TUSC3: variants seen among roughly 807,000 people sequenced by gnomAD.
The protein encoded by TUSC3 is tumor suppressor candidate 3, also known as dolichyl-diphosphooligosaccharide--protein glycosyltransferase subunit TUSC3.
Under a neutral mutation model 44.8 loss-of-function variants are expected in TUSC3, and 45 were observed. That is an observed-to-expected ratio of 1.00 (90% CI 0.79 to 1.29). The LOEUF is 1.29. Ranked by LOEUF, TUSC3 falls within the 50% of genes most tolerant of loss-of-function variation. The pLI is 0.00. For synonymous variants in TUSC3, 212 were observed against 152.9 expected, an observed-to-expected ratio of 1.39 and a Z score of -2.85; for missense variants, 519 against 437.9, an observed-to-expected ratio of 1.19 and a Z score of -1.65.
intron 1 of TUSC3, among the ~76,000 whole-genome samples, chr8:15,620,983 G>C (rs554017515): frequency 6.4e-5 from 9 of 141,416 alleles, no homozygotes; most frequent in Admixed American, 3.5e-4. Context: ...ATTGTGTGTG[G>C]TGTGTGTCTG....
intron 1 of TUSC3, among the ~76,000 whole-genome samples, chr8:15,583,617 G>C (rs1278556228): frequency 6.6e-6 from 1 of 152,148 alleles, no homozygotes; most frequent in Non-Finnish European, 1.5e-5. Flanking sequence ...AAATATCATT[G>C]TTTTGAAGTG....
In TUSC3 at chr8:15,766,138, A is replaced by AT. The variant is rs1275821208; in HGVS notation, c.*1983dup. Reference sequence around the variant, plus strand: ...ATTTCCTCTGAGCATTTAAAATTACATCCAGTGATAAAAACAATATTTTTT... The same window carrying AT: ...ATTTCCTCTGAGCATTTAAAATTACATTCCAGTGATAAAAACAATATTTTTT... On this transcript the variant is annotated 3_prime_UTR_variant, in exon 11 of 11. Transcript: ENST00000503731. 1 of 152,096 alleles carries AT rather than the reference A, an allele frequency of 6.6e-6. No homozygotes were observed. The highest frequency in any genetic ancestry group is 1.5e-5 in the Non-Finnish European group (1 of 67,982). The allele number at this position is 152,096 out of a possible 1,614,324, so 9.4% of individuals were successfully genotyped here. A position where few individuals can be genotyped will look rare whatever the true frequency, so the allele number is the denominator to read the frequency against.
At chr8:15,582,884 A>G (rs1021186950) in intron 1 of TUSC3, among the ~76,000 whole-genome samples, 3 of 152,244 alleles carry the variant, frequency 2.0e-5, no homozygotes, top group South Asian at 2.1e-4. Flanking sequence ...TAGAAGACCT[A>G]CAACCTTCTC....
At chr8:15,440,515 A>G (rs1022911368) in intron 1 of TUSC3, among the ~76,000 whole-genome samples, 1 of 152,236 alleles carries the variant, frequency 6.6e-6, no homozygotes, top group African/African-American at 2.4e-5. Flanking sequence ...TGCCGTGTGA[A>G]GGATGAGTTG....
At chr8:15,820,551 C>G in the TUSC3 span, among the ~76,000 whole-genome samples, 24 of 152,196 alleles carry the variant, frequency 1.6e-4, no homozygotes, top group Admixed American at 1.2e-3. Flanking sequence ...ATCTCTTGAC[C>G]TCATGATCGG....
At chr8:15,579,046 A>G (rs1803221337) in intron 1 of TUSC3, among the ~76,000 whole-genome samples, 1 of 151,784 alleles carries the variant, frequency 6.6e-6, no homozygotes, top group Non-Finnish European at 1.5e-5. Context: ...TAGTCTTGGG[A>G]GAGTGTATGT....
chr8:15,473,210 T>C (rs1800519908), intron 1 of TUSC3, among the ~76,000 whole-genome samples: 1 of 152,200 alleles, frequency 6.6e-6, no homozygotes, highest in African/African-American at 2.4e-5. Context: ...ATATTATATT[T>C]GGAAGATGTG....
chr8:15,474,604 A>G (rs1391075764), intron 1 of TUSC3, among the ~76,000 whole-genome samples: 1 of 152,204 alleles, frequency 6.6e-6, no homozygotes, highest in Non-Finnish European at 1.5e-5. Context: ...TGGAATTTAC[A>G]TTATTGAGAA....
intron 6 of TUSC3, among the ~76,000 whole-genome samples, chr8:15,686,948 G>T (rs920727861): frequency 1.3e-5 from 2 of 151,992 alleles, no homozygotes; most frequent in African/African-American, 4.8e-5. Flanking sequence ...GGCGCCTGTA[G>T]TCCGGTCCCA....
chr8:15,588,994 T>C (rs1259688935), intron 1 of TUSC3, among the ~76,000 whole-genome samples: 1 of 152,148 alleles, frequency 6.6e-6, no homozygotes, highest in Non-Finnish European at 1.5e-5. Flanking sequence ...AATGTGATGC[T>C]TCCAGCTTTG....
At chr8:15,592,173 A>G (rs1322451172) in intron 1 of TUSC3, among the ~76,000 whole-genome samples, 1 of 152,218 alleles carries the variant, frequency 6.6e-6, no homozygotes, top group East Asian at 1.9e-4. Flanking sequence ...ACTTAGTAAA[A>G]TGCGAAAAAG....
chr8:15,566,589 C>T (rs956431016), intron 1 of TUSC3, among the ~76,000 whole-genome samples: 22 of 145,920 alleles, frequency 1.5e-4, no homozygotes, highest in East Asian at 1.5e-3. Context: ...TATCCGACTT[C>T]ACAGAAGACA....
chr8:15,723,446 C>G (rs531158276), intron 6 of TUSC3, among the ~76,000 whole-genome samples: 10 of 152,290 alleles, frequency 6.6e-5, no homozygotes, highest in Admixed American at 2.0e-4. Flanking sequence ...TTAGGAATTT[C>G]AAGCACAAGA....
chr8:15,766,769 A>T (rs904847895), downstream of TUSC3: 1 of 152,098 alleles, frequency 6.6e-6, no homozygotes, highest in Non-Finnish European at 1.5e-5. Flanking sequence ...GAGCGTGGCA[A>T]GTATTCCCTT....
Position 15,659,618 on chromosome 8 carries a change from A to G in TUSC3, c.538A>G (p.Lys180Glu), listed in dbSNP as rs1188736712. The change falls in exon 4 of 11, where the codon AAG (lysine) becomes GAG (glutamate). Residue 180 changes from lysine to glutamate, a missense_variant. Lys to Glu is a moderately conservative substitution (Grantham distance 56). Transcript: ENST00000503731. ...RIGFAAEQLA[K>E]WIADRTDVHI... ...TGGATTTGCAGCTGAGCAACTAGCAAAGTGGATTGCTGACAGAACGGATGT... is the reference window on the plus strand; with the variant it reads ...TGGATTTGCAGCTGAGCAACTAGCAGAGTGGATTGCTGACAGAACGGATGT... The G allele has an allele frequency of 6.2e-7, 1 of 1,613,348 alleles. No homozygotes were observed. The highest frequency in any genetic ancestry group is 8.5e-7 in the Non-Finnish European group (1 of 1,179,648).
At chr8:15,810,894 T>A in the TUSC3 span, among the ~76,000 whole-genome samples, 5 of 152,220 alleles carry the variant, frequency 3.3e-5, no homozygotes, top group African/African-American at 1.2e-4. Context: ...AGAGTCATCT[T>A]AGACAGGACC....
At chr8:15,474,623 A>G (rs1035402560) in intron 1 of TUSC3, among the ~76,000 whole-genome samples, 3 of 152,222 alleles carry the variant, frequency 2.0e-5, no homozygotes, top group Non-Finnish European at 4.4e-5. Flanking sequence ...AAAATTCAGT[A>G]AAGACAATGC....
the TUSC3 span, chr8:15,806,599 G>C: frequency 6.8e-7 from 1 of 1,464,388 alleles, no homozygotes; most frequent in Non-Finnish European, 9.5e-7. Flanking sequence ...CAAGGATAAT[G>C]AAGTGATCAT....
At chr8:15,517,331 G>C (rs367592688) in intron 2 of TUSC3, among the ~76,000 whole-genome samples, 7 of 151,980 alleles carry the variant, frequency 4.6e-5, no homozygotes, top group African/African-American at 1.7e-4. Context: ...TCTATTCTTC[G>C]TACCTCATCA....
Sources: allele counts gnomAD v4.1 joint callset (sites outside exome capture counted in the v4.1 genomes callset), GRCh38; gene constraint gnomAD v4.1.1; transcripts MANE v1.5; gene names NCBI Gene and HGNC (gene_info 2026-07-23, HGNC 2026-07-21).